The following PREX1 variants were observed in gnomAD, a reference collection of about 807,000 sequenced individuals.
PREX1 encodes the protein phosphatidylinositol-3,4,5-trisphosphate dependent Rac exchange factor 1, also known as phosphatidylinositol 3,4,5-trisphosphate-dependent Rac exchanger 1 protein.
In PREX1, 41 loss-of-function variants were observed where a neutral mutation model predicts 198.3. That is an observed-to-expected ratio of 0.21 (90% CI 0.16 to 0.27). The LOEUF (loss-of-function observed/expected upper bound fraction) is 0.27. PREX1 is among the 10% of genes least tolerant of loss of function. PREX1 has a pLI of 1.00. For missense variants in PREX1, 1,620 were observed against 2,200.7 expected (o/e 0.74, Z 5.28); for synonymous variants, 843 against 887.2 (o/e 0.95, Z 0.89).
chr20:48,802,255 A>G (rs2090390721), intron 1 of PREX1, among the ~76,000 whole-genome samples: 1 of 151,384 alleles, frequency 6.6e-6, no homozygotes, highest in African/African-American at 2.4e-5. Flanking sequence ...CAGCTTCTCT[A>G]CCTCTTACAA....
intron 1 of PREX1, among the ~76,000 whole-genome samples, chr20:48,813,092 C>G (rs1424350307): frequency 2.0e-5 from 3 of 152,246 alleles, no homozygotes; most frequent in Admixed American, 6.5e-5. Context: ...TACTCCACCC[C>G]CAACGGCCCA....
At position 48,642,226 on chromosome 20, in the gene PREX1, T is replaced by C; in HGVS notation, c.3717A>G (p.Pro1239=). 6.2e-7 allele frequency: 1 copy of C among 1,614,224 alleles called. No individual in the cohort carries two copies. Among genetic ancestry groups the C allele is most frequent in the Non-Finnish European group, 8.5e-7 (1 of 1,180,026 alleles). Residue 1239 remains proline (P), a synonymous_variant, in exon 29 of 40, where the codon CCA becomes CCG. Coordinates refer to ENST00000371941, the MANE Select transcript of PREX1 (RefSeq NM_020820.4). ...TCTCTTCGAAAGCCCGGCTCATGACTGGCCCCTTGAGGAGAGCATTGATGG... is the reference window on the plus strand; with the variant it reads ...TCTCTTCGAAAGCCCGGCTCATGACCGGCCCCTTGAGGAGAGCATTGATGG... ...VDSINALLKG[P]VMSRAFEETK...
At chr20:48,703,081 T>G (rs2089883800) in intron 6 of PREX1, among the ~76,000 whole-genome samples, 3 of 152,210 alleles carry the variant, frequency 2.0e-5, no homozygotes, top group Admixed American at 1.3e-4. Context: ...TGGGACCTGC[T>G]GACTGAATTC....
chr20:48,715,466 G>C (rs915239618), intron 5 of PREX1, among the ~76,000 whole-genome samples: 2 of 152,168 alleles, frequency 1.3e-5, no homozygotes, highest in African/African-American at 4.8e-5. Flanking sequence ...CTGTGGTCAA[G>C]AGAATGGGTG....
At chr20:48,811,718 C>G (rs2090437477) in intron 1 of PREX1, among the ~76,000 whole-genome samples, 1 of 152,040 alleles carries the variant, frequency 6.6e-6, no homozygotes, top group South Asian at 2.1e-4. Flanking sequence ...CTGACCAGAC[C>G]TGGATACACA....
intron 5 of PREX1, among the ~76,000 whole-genome samples, chr20:48,709,214 G>GC (rs2089918922): frequency 6.6e-6 from 1 of 152,062 alleles, no homozygotes; most frequent in Admixed American, 6.5e-5. Flanking sequence ...TCACCCAACC[G>GC]CCCCCGTCAG....
chr20:48,661,148 G>T (rs537318703), intron 15 of PREX1, among the ~76,000 whole-genome samples: 1 of 151,976 alleles, frequency 6.6e-6, no homozygotes, highest in Non-Finnish European at 1.5e-5. Context: ...GGCCAGAGGC[G>T]GTGGCTCCGC....
chr20:48,776,525 T>C (rs886531434), intron 1 of PREX1, among the ~76,000 whole-genome samples: 1 of 152,210 alleles, frequency 6.6e-6, no homozygotes, highest in Non-Finnish European at 1.5e-5. Flanking sequence ...GGGGCGGGGC[T>C]GGGGACAGAG....
intron 14 of PREX1, among the ~76,000 whole-genome samples, chr20:48,673,552 G>A (rs1001612314): frequency 3.9e-5 from 6 of 152,146 alleles, no homozygotes; most frequent in African/African-American, 1.4e-4. Flanking sequence ...TAAGAAGTGG[G>A]CAGCTCTGAG....
rs1423747832 is a variant in PREX1 at position 48,827,932 on chromosome 20, C to T, written c.-72G>A. On this transcript the variant is annotated 5_prime_UTR_variant, in exon 1 of 40. Coordinates refer to ENST00000371941, the MANE Select transcript of PREX1 (RefSeq NM_020820.4). This position sits in a 1 kb window ranked among gnomAD's most constrained non-coding sequence, Gnocchi z 4.1. ...CAACTCAGGCGTCCAGGCGCCCCAT[C>T]CCGGACGGGGCGCGCCGGCGGGCCG... The T allele has an allele frequency of 1.6e-5, 10 of 609,558 alleles. No homozygotes were observed. Among genetic ancestry groups the T allele is most frequent in the East Asian group, 1.4e-4 (1 of 6,930 alleles). The allele number at this position is 609,558 out of a possible 1,614,324, so 37.8% of individuals were successfully genotyped here.
rs141150715 is a variant in PREX1 at position 48,804,685 on chromosome 20, C to T, written c.219+22957G>A. 7.4e-3 allele frequency among the ~76,000 whole-genome samples: 1,128 copies of T among 152,288 alleles called. 16 individuals are homozygous for T. The highest frequency in any genetic ancestry group is 0.025 in the African/African-American group (1,051 of 41,540). ...TGGAAGCATGGGACAAGGGAGGAGA[C>T]GACTGCAAGAGTCCCAGCAGGAGAC... is the stretch of plus-strand genomic sequence containing the variant. On this transcript the variant is annotated intron_variant, in intron 1 of 39. Transcript: ENST00000371941.
At chr20:48,718,219 C>A (rs550035122) in intron 5 of PREX1, among the ~76,000 whole-genome samples, 1 of 150,894 alleles carries the variant, frequency 6.6e-6, no homozygotes, top group South Asian at 2.1e-4. Flanking sequence ...TCAAAGAGGC[C>A]CTAGCACGGC....
chr20:48,676,401 G>A (rs375509620), intron 13 of PREX1, 133 bp from the exon 14 acceptor site: 26 of 793,528 alleles, frequency 3.3e-5, no homozygotes, highest in South Asian at 3.3e-4. Flanking sequence ...GCAGGGGTCC[G>A]AGTCTCAGCC....
chr20:48,668,413 A>G (rs1327299550), intron 14 of PREX1, among the ~76,000 whole-genome samples: 7 of 152,160 alleles, frequency 4.6e-5, no homozygotes, highest in Non-Finnish European at 1.5e-5. Flanking sequence ...TTAATAAAGG[A>G]GTGGTCAGCA....
In PREX1 at chr20:48,625,778, C is replaced by T. The variant is rs563773370; in HGVS notation, c.*107G>A. Reference sequence around the variant, plus strand: ...GACGCTGGGCAGGTCCCGGAACGGGCGGCTGCGGAAGCCTTGGGCCATCCC... The same window carrying T: ...GACGCTGGGCAGGTCCCGGAACGGGTGGCTGCGGAAGCCTTGGGCCATCCC... On this transcript the variant is annotated 3_prime_UTR_variant, in exon 40 of 40. Transcript: ENST00000371941. 35 of 1,298,522 alleles carry T rather than the reference C, an allele frequency of 2.7e-5. No individual in the cohort carries two copies. In the Admixed American group the frequency reaches 2.9e-4, roughly 11 times the overall value. The allele number at this position is 1,298,522 out of a possible 1,614,324, so 80.4% of individuals were successfully genotyped here.
chr20:48,696,628 CATACATACAT>C (rs2089847723), intron 7 of PREX1, among the ~76,000 whole-genome samples: 5 of 151,778 alleles, frequency 3.3e-5, no homozygotes, highest in African/African-American at 1.2e-4. Flanking sequence ...TACATACATA[CATACATACAT>C]ACACACATAC....
chr20:48,809,644 T>C (rs558307578), intron 1 of PREX1, among the ~76,000 whole-genome samples: 1 of 152,114 alleles, frequency 6.6e-6, no homozygotes, highest in East Asian at 1.9e-4. Context: ...ATCTTCAAGA[T>C]GAGGGAGAAA....
chr20:48,653,593 A>T, intron 19 of PREX1, 96 bp from the exon 20 acceptor site: 1 of 1,465,302 alleles, frequency 6.8e-7, no homozygotes, highest in Non-Finnish European at 9.3e-7. Flanking sequence ...AACCCCAGAC[A>T]CGCGCAAGGA....
intron 13 of PREX1, among the ~76,000 whole-genome samples, chr20:48,676,727 G>A (rs895269919): frequency 3.3e-5 from 5 of 152,218 alleles, no homozygotes; most frequent in Non-Finnish European, 7.3e-5. Flanking sequence ...CGATGCCACC[G>A]GCGCCGAGGC....
Sources: allele counts gnomAD v4.1 joint callset (sites outside exome capture counted in the v4.1 genomes callset), GRCh38; gene constraint gnomAD v4.1.1; non-coding constraint Gnocchi (gnomAD v3.1); transcripts MANE v1.5; gene names NCBI Gene and HGNC (gene_info 2026-07-23, HGNC 2026-07-21).